Variants in APOL4 observed in about 807,000 individuals in gnomAD.
APOL4 encodes apolipoprotein L, 4.
In APOL4, 14 loss-of-function variants were observed where a neutral mutation model predicts 12.1. The observed-to-expected ratio is 1.16, with a 90% confidence interval of 0.76 to 1.81. The LOEUF (loss-of-function observed/expected upper bound fraction) is 1.81, where lower values mean the gene tolerates loss of function less well. APOL4 is among the 40% of genes most tolerant of loss of function. The pLI is 0.00. For missense variants in APOL4, 432 were observed against 423.1 expected (o/e 1.02, Z -0.18); for synonymous variants, 171 against 160.6 (o/e 1.06, Z -0.49).
At chr22:36,193,759 G>T (rs2146938058) in intron 3 of APOL4, among the ~76,000 whole-genome samples, 1 of 152,290 alleles carries the variant, frequency 6.6e-6, no homozygotes, top group African/African-American at 2.4e-5. Flanking sequence ...AATGCCTCAT[G>T]CCCTTTGACG....
Position 36,191,740 on chromosome 22 carries a change from T to C in APOL4, c.382A>G (p.Asn128Asp), listed in dbSNP as rs1193752186. Residue 128 changes from asparagine to aspartate, a missense_variant, in exon 4 of 4, where the codon AAT becomes GAT. By Grantham distance (23) the Asn-to-Asp change is conservative. Coordinates refer to ENST00000683024, the MANE Select transcript of APOL4 (RefSeq NM_001386885.1). ...ESIERLRVIA[N>D]EIEKVHRGCV... is the part of the protein sequence containing the mutation. The stretch of plus-strand genomic sequence containing the variant: ...CCTCTGTGGACCTTTTCAATCTCAT[T>C]TGCAATGACACGAAGCCTTTCTATG... 16 of 1,614,008 alleles carry C rather than the reference T, an allele frequency of 9.9e-6. No individual in the cohort carries two copies. Among genetic ancestry groups the C allele is most frequent in the Non-Finnish European group, 1.4e-5 (16 of 1,179,888 alleles).
chr22:36,196,649 A>T (rs2014419645), intron 2 of APOL4, among the ~76,000 whole-genome samples: 2 of 152,146 alleles, frequency 1.3e-5, no homozygotes, highest in African/African-American at 4.8e-5. Flanking sequence ...ACCAGTTTGT[A>T]TTTATGTATG....
At chr22:36,204,200 C>T (rs1183818762), upstream of APOL4, among the ~76,000 whole-genome samples, 1 of 152,240 alleles carries the variant, frequency 6.6e-6, no homozygotes, top group Non-Finnish European at 1.5e-5. Context: ...TCAGCAGCCG[C>T]ACCCCGGGGC....
chr22:36,200,160 G>T (rs986898063), intron 1 of APOL4, among the ~76,000 whole-genome samples: 2 of 152,104 alleles, frequency 1.3e-5, no homozygotes, highest in Non-Finnish European at 2.9e-5. Context: ...CACACAGCCC[G>T]GGAGATGGGT....
At chr22:36,202,202 G>T, upstream of APOL4, 3 of 1,078,474 alleles carry the variant, frequency 2.8e-6, no homozygotes, top group Non-Finnish European at 4.1e-6. Context: ...GATCTGCTGG[G>T]CTCAAGTGAT....
upstream of APOL4, chr22:36,204,724 C>T (rs911213463): frequency 3.1e-5 from 12 of 390,322 alleles, no homozygotes; most frequent in Admixed American, 7.5e-5. Context: ...TAACCAGACA[C>T]GTCCTCCAGC....
rs768034738 is a variant in APOL4 at position 36,191,705 on chromosome 22, G to A, written c.417C>T (p.Ile139=). The change falls in exon 4 of 4, where the codon ATC becomes ATT. Residue 139 remains isoleucine (I), a synonymous_variant. Transcript: ENST00000683024. The part of the protein sequence containing the change: ...EIEKVHRGCV[I]ANVVSGSTGI... Reference sequence around the variant, plus strand: ...CAGTGGAGCCAGACACCACATTGGCGATGACGCAGCCTCTGTGGACCTTTT... The same window carrying A: ...CAGTGGAGCCAGACACCACATTGGCAATGACGCAGCCTCTGTGGACCTTTT... The A allele has an allele frequency of 2.1e-5, 34 of 1,613,942 alleles. No homozygotes were observed. The highest frequency in any genetic ancestry group is 1.7e-4 in the Admixed American group (10 of 60,002).
In APOL4 at chr22:36,195,360, T is replaced by C. The variant is rs895091839; in HGVS notation, c.160A>G (p.Thr54Ala). 4.3e-6 allele frequency: 7 copies of C among 1,613,768 alleles called. No individual in the cohort carries two copies. In the African/African-American group the frequency reaches 8.0e-5, roughly 18 times the overall value. Residue 54 changes from threonine (T) to alanine (A), a missense_variant, in exon 3 of 4, where the codon ACT (threonine) becomes GCT (alanine). By Grantham distance (58) the Thr-to-Ala change is moderately conservative (BLOSUM62 0). Coordinates refer to ENST00000683024, the MANE Select transcript of APOL4 (RefSeq NM_001386885.1). ...VSPVHLKILL[T>A]SDEAWKRFVR... ...AATCTCTTCCAGGCTTCATCGCTAG[T>C]CAGCAGGATTTTCAGATGCACTGGG...
intron 2 of APOL4, chr22:36,197,923 A>C (rs1603478400): frequency 7.0e-7 from 1 of 1,432,226 alleles, no homozygotes; most frequent in Non-Finnish European, 9.2e-7. Context: ...ACTCAATCAT[A>C]CCCTCCTTGT....
upstream of APOL4, chr22:36,202,170 C>T (rs904139051): frequency 7.2e-7 from 1 of 1,387,554 alleles, no homozygotes; most frequent in Non-Finnish European, 1.0e-6. Flanking sequence ...GCTTTGACGC[C>T]ATCCTAGCTC....
chr22:36,201,837 C>T, upstream of APOL4: 1 of 1,572,070 alleles, frequency 6.4e-7, no homozygotes, highest in Non-Finnish European at 8.6e-7. Context: ...CACAGTGCGT[C>T]CCCTCTAGGC....
chr22:36,198,751 G>A (rs1671920686), intron 2 of APOL4, among the ~76,000 whole-genome samples: 1 of 152,196 alleles, frequency 6.6e-6, no homozygotes, highest in African/African-American at 2.4e-5. Context: ...GTGAGGAGGA[G>A]TAAGGAGCTC....
rs1481669899 is a variant in APOL4, at chr22:36,190,674, A to G, written c.*401T>C. 5.8e-6 allele frequency: 1 copy of G among 173,700 alleles called. No homozygotes were observed. Among genetic ancestry groups the G allele is most frequent in the African/African-American group, 2.4e-5 (1 of 41,928 alleles). The allele number at this position is 173,700 out of a possible 1,614,324, so 10.8% of individuals were successfully genotyped here. ...TCACTGTTGGTCAGAGTTTAAGGTT[A>G]TCTCTCTTATTCCCTGAACAATTGC... On this transcript the variant is annotated 3_prime_UTR_variant, in exon 4 of 4. Coordinates refer to ENST00000683024, the MANE Select transcript of APOL4 (RefSeq NM_001386885.1).
In APOL4 at chr22:36,191,332, C is replaced by T. The variant is rs201280359; in HGVS notation, c.790G>A (p.Val264Ile). ...AGTGTCTCAACAACATTTATAGGTA[C>T]ATATCGCCAAGCAATCAAAGGGCGT... ...VGRPLIAWRY[V>I]PINVVETLRT... The change falls in exon 4 of 4, where the codon GTA (valine) becomes ATA (isoleucine). Residue 264 changes from valine (V) to isoleucine (I), a missense_variant. Physicochemically the swap from Val to Ile is conservative, Grantham distance 29 (BLOSUM62 3). Transcript: ENST00000683024. 5.0e-6 allele frequency: 8 copies of T among 1,614,074 alleles called. No individual in the cohort carries two copies. The highest frequency in any genetic ancestry group is 6.8e-6 in the Non-Finnish European group (8 of 1,179,904).
At chr22:36,199,524 TC>T (rs1240162590) in intron 1 of APOL4, 148 bp from the exon 2 acceptor site, 1 of 1,599,608 alleles carries the variant, frequency 6.3e-7, no homozygotes, top group South Asian at 1.1e-5. Flanking sequence ...TATCACCAAG[TC>T]CCCATCATCT....
chr22:36,200,007 C>T (rs985845375), intron 1 of APOL4, among the ~76,000 whole-genome samples: 6 of 151,934 alleles, frequency 3.9e-5, no homozygotes, highest in African/African-American at 1.5e-4. Context: ...AGGGGTTTCA[C>T]CGTGTTAGCC....
At chr22:36,204,370 A>G (rs1011904148), upstream of APOL4, among the ~76,000 whole-genome samples, 3 of 152,040 alleles carry the variant, frequency 2.0e-5, no homozygotes, top group Middle Eastern at 3.2e-3. Flanking sequence ...TCTAAAACAG[A>G]GCTGAGCCCA....
intron 2 of APOL4, chr22:36,197,879 C>T (rs1209749535): frequency 2.1e-5 from 32 of 1,516,416 alleles, no homozygotes; most frequent in Non-Finnish European, 2.7e-5. Flanking sequence ...TAAGATCTAA[C>T]TCAGCACTGG....
intron 2 of APOL4, among the ~76,000 whole-genome samples, chr22:36,195,764 TC>T (rs1569531220): frequency 1.2e-3 from 134 of 115,186 alleles, no homozygotes; most frequent in African/African-American, 3.4e-3. Context: ...TCTCTCTCTC[TC>T]TCTCTCTCTC....
Sources: allele counts gnomAD v4.1 joint callset (sites outside exome capture counted in the v4.1 genomes callset), GRCh38; gene constraint gnomAD v4.1.1; transcripts MANE v1.5; gene names NCBI Gene and HGNC (gene_info 2026-07-23, HGNC 2026-07-21).